The following PABPC4L variants were observed in gnomAD, a reference collection of about 807,000 sequenced individuals.
The protein encoded by PABPC4L is poly(A) binding protein cytoplasmic 4 like.
For missense variants in PABPC4L, 452 were observed against 451.4 expected (o/e 1.00, Z -0.01); for synonymous variants, 169 against 164.1 (o/e 1.03, Z -0.23).
Position 134,198,187 on chromosome 4 carries a change from A to C in PABPC4L, c.*1720T>G, listed in dbSNP as rs1729725829. ...GTTGACCATAGCATATTGTTTAAGA[A>C]AGCAATTTCAAACAACATTTGTAAT... On this transcript the variant is annotated 3_prime_UTR_variant, in exon 2 of 2. Coordinates refer to ENST00000421491, the MANE Select transcript of PABPC4L (RefSeq NM_001114734.2). 6.6e-6 allele frequency: 1 copy of C among 151,752 alleles called. No homozygotes were observed. Among genetic ancestry groups the C allele is most frequent in the Admixed American group, 6.6e-5 (1 of 15,254 alleles). The allele number at this position is 151,752 out of a possible 1,614,324, so 9.4% of individuals were successfully genotyped here.
chr4:134,119,516 T>C, the PABPC4L span, among the ~76,000 whole-genome samples: 1 of 151,760 alleles, frequency 6.6e-6, no homozygotes, highest in Admixed American at 6.6e-5. Flanking sequence ...AATATTTAAC[T>C]GGAGCATATA....
the PABPC4L span, among the ~76,000 whole-genome samples, chr4:134,087,661 C>G: frequency 6.6e-6 from 1 of 152,110 alleles, no homozygotes; most frequent in Non-Finnish European, 1.5e-5. Flanking sequence ...GTGCTTCCAT[C>G]CAGAGGCCCT....
the PABPC4L span, among the ~76,000 whole-genome samples, chr4:133,991,126 A>G: frequency 1.3e-5 from 2 of 152,182 alleles, no homozygotes; most frequent in Non-Finnish European, 2.9e-5. Flanking sequence ...ATTACTAAAT[A>G]ACATAAGACA....
chr4:134,017,046 C>T, the PABPC4L span, among the ~76,000 whole-genome samples: 42 of 152,236 alleles, frequency 2.8e-4, 1 homozygote, highest in Admixed American at 8.5e-4. Flanking sequence ...CATAATTCCT[C>T]GGTTTGGCCT....
At chr4:134,029,609 T>A in the PABPC4L span, among the ~76,000 whole-genome samples, 52 of 152,074 alleles carry the variant, frequency 3.4e-4, 1 homozygote, top group East Asian at 9.3e-3. Context: ...TTTAATAATA[T>A]AAAATTCATT....
chr4:134,101,147 T>C, the PABPC4L span, among the ~76,000 whole-genome samples: 127 of 151,588 alleles, frequency 8.4e-4, 1 homozygote, highest in Admixed American at 1.1e-3. Flanking sequence ...TTGCTAGCTG[T>C]AGTTGAATTT....
chr4:134,178,320 C>A, the PABPC4L span, among the ~76,000 whole-genome samples: 27 of 139,866 alleles, frequency 1.9e-4, no homozygotes, highest in Non-Finnish European at 3.5e-4. Context: ...CCAAACACAC[C>A]ATATACCATA....
the PABPC4L span, among the ~76,000 whole-genome samples, chr4:133,954,629 C>G: frequency 6.6e-6 from 1 of 152,096 alleles, no homozygotes; most frequent in South Asian, 2.1e-4. Context: ...GTTCCCTAGG[C>G]CTAGAATTCT....
chr4:134,138,095 GA>G, the PABPC4L span, among the ~76,000 whole-genome samples: 31 of 151,448 alleles, frequency 2.0e-4, no homozygotes, highest in Admixed American at 2.0e-4. Flanking sequence ...AATGTTTTAT[GA>G]AAATCTACAT....
chr4:134,130,948 G>T, the PABPC4L span, among the ~76,000 whole-genome samples: 16 of 151,940 alleles, frequency 1.1e-4, no homozygotes, highest in Admixed American at 1.3e-4. Flanking sequence ...AATCACACGA[G>T]CATCTCAATA....
chr4:134,078,152 A>C, the PABPC4L span, among the ~76,000 whole-genome samples: 1 of 152,304 alleles, frequency 6.6e-6, no homozygotes, highest in South Asian at 2.1e-4. Context: ...ATACTAAAGT[A>C]AAAGCTTACA....
the PABPC4L span, among the ~76,000 whole-genome samples, chr4:134,155,583 A>G: frequency 1.3e-5 from 2 of 152,028 alleles, no homozygotes; most frequent in Non-Finnish European, 2.9e-5. Context: ...TTTTATTTTC[A>G]TCATTTTATT....
chr4:133,998,156 T>C, the PABPC4L span, among the ~76,000 whole-genome samples: 1 of 151,756 alleles, frequency 6.6e-6, no homozygotes, highest in East Asian at 1.9e-4. Flanking sequence ...AACCTTTTCC[T>C]ATCCTATGGT....
At chr4:134,032,623 A>C in the PABPC4L span, among the ~76,000 whole-genome samples, 2 of 151,910 alleles carry the variant, frequency 1.3e-5, no homozygotes, top group Non-Finnish European at 1.5e-5. Context: ...AGTAAGCAAA[A>C]AAATAGTTTA....
chr4:134,063,188 G>T, the PABPC4L span, among the ~76,000 whole-genome samples: 2 of 152,052 alleles, frequency 1.3e-5, no homozygotes, highest in Non-Finnish European at 2.9e-5. Flanking sequence ...TCAACTAGAG[G>T]CATTTATCTG....
rs1729780106 is a variant in PABPC4L, at chr4:134,199,648, T to C, written c.*259A>G. 6 of 385,786 alleles carry C rather than the reference T, an allele frequency of 1.6e-5. No homozygotes were observed. Among genetic ancestry groups the C allele is most frequent in the Middle Eastern group, 1.4e-3 (2 of 1,462 alleles). 23.9% of individuals were successfully genotyped at this position (385,786 alleles called of 1,614,324 possible). A position where few individuals can be genotyped will look rare whatever the true frequency, so the allele number is the denominator to read the frequency against. On this transcript the variant is annotated 3_prime_UTR_variant, in exon 2 of 2. Coordinates refer to ENST00000421491, the MANE Select transcript of PABPC4L (RefSeq NM_001114734.2). ...GTAAAAATATATCTATTTATACTTA[T>C]TGCTATGAACATATCAAAATAAGAA...
At chr4:134,153,170 T>C in the PABPC4L span, among the ~76,000 whole-genome samples, 1 of 152,162 alleles carries the variant, frequency 6.6e-6, no homozygotes, top group Non-Finnish European at 1.5e-5. Context: ...TTTCAACTCA[T>C]TTTCATTATA....
At chr4:134,096,364 T>C in the PABPC4L span, among the ~76,000 whole-genome samples, 29 of 152,122 alleles carry the variant, frequency 1.9e-4, no homozygotes, top group South Asian at 3.9e-3. Flanking sequence ...TTTGCTTTGA[T>C]AAATTACTAG....
At chr4:134,098,487 G>T in the PABPC4L span, among the ~76,000 whole-genome samples, 94 of 151,374 alleles carry the variant, frequency 6.2e-4, 6 homozygotes, top group Non-Finnish European at 1.0e-4. Flanking sequence ...CAATATTGGT[G>T]GTAAAGAGGG....
Sources: allele counts gnomAD v4.1 joint callset (sites outside exome capture counted in the v4.1 genomes callset), GRCh38; gene constraint gnomAD v4.1.1; transcripts MANE v1.5; gene names NCBI Gene and HGNC (gene_info 2026-07-23, HGNC 2026-07-21).